Variants in VAV3 observed in about 807,000 individuals in gnomAD.
The protein encoded by VAV3 is vav guanine nucleotide exchange factor 3, also known as guanine nucleotide exchange factor VAV3.
Under a neutral mutation model 131.2 loss-of-function variants are expected in VAV3, and 94 were observed. The observed-to-expected ratio is 0.72, with a 90% CI of 0.61 to 0.85. The LOEUF is 0.85. VAV3 is among the 40% of genes least tolerant of loss of function. The pLI is 0.00. For missense variants in VAV3, 939 were observed against 1,002.7 expected (o/e 0.94, Z 0.86); for synonymous variants, 349 against 342.0 (o/e 1.02, Z -0.22).
intron 15 of VAV3, among the ~76,000 whole-genome samples, chr1:107,724,349 T>C (rs569594564): frequency 2.6e-5 from 4 of 152,082 alleles, no homozygotes; most frequent in African/African-American, 9.6e-5. Context: ...TGATCTGTCC[T>C]TTCTCTGAAG....
chr1:107,800,995 A>G (rs1666802602), intron 2 of VAV3, among the ~76,000 whole-genome samples: 2 of 152,138 alleles, frequency 1.3e-5, no homozygotes, highest in Admixed American at 6.6e-5. Flanking sequence ...CTTTTTGTAT[A>G]TGATGAGAGA....
chr1:107,620,745 G>A (rs568075031), intron 20 of VAV3, among the ~76,000 whole-genome samples: 1 of 152,116 alleles, frequency 6.6e-6, no homozygotes, highest in Non-Finnish European at 1.5e-5. Flanking sequence ...TCACAAAGCA[G>A]AGAAAAGAGG....
At chr1:107,744,172 T>C (rs1479179141) in intron 15 of VAV3, among the ~76,000 whole-genome samples, 2 of 152,156 alleles carry the variant, frequency 1.3e-5, no homozygotes, top group Non-Finnish European at 2.9e-5. Flanking sequence ...CTCTAGAATC[T>C]CCATCCCCCA....
intron 2 of VAV3, among the ~76,000 whole-genome samples, chr1:107,805,128 T>C (rs1234629151): frequency 6.6e-6 from 1 of 152,168 alleles, no homozygotes; most frequent in Admixed American, 6.5e-5. Flanking sequence ...TTTATTATGC[T>C]TCTTGGTAAA....
intron 15 of VAV3, among the ~76,000 whole-genome samples, chr1:107,706,740 G>T (rs183626985): frequency 7.9e-5 from 12 of 152,146 alleles, no homozygotes; most frequent in African/African-American, 1.9e-4. Flanking sequence ...ATTTGTTTCT[G>T]AGCATCAAGG....
chr1:107,622,901 A>C (rs1392377409), intron 20 of VAV3, among the ~76,000 whole-genome samples: 1 of 152,170 alleles, frequency 6.6e-6, no homozygotes, highest in East Asian at 1.9e-4. Flanking sequence ...GGGCAGATGG[A>C]AGGAAGGAAG....
intron 6 of VAV3, among the ~76,000 whole-genome samples, chr1:107,769,426 T>A (rs1019542616): frequency 1.3e-5 from 2 of 152,154 alleles, no homozygotes; most frequent in African/African-American, 4.8e-5. Context: ...CTAGTCAATC[T>A]ACTCTTCTAC....
At chr1:107,630,752 A>C (rs1338578022) in intron 20 of VAV3, among the ~76,000 whole-genome samples, 2 of 152,136 alleles carry the variant, frequency 1.3e-5, no homozygotes, top group African/African-American at 2.4e-5. Context: ...AAAATCAGCA[A>C]ATTAACATAA....
intron 15 of VAV3, among the ~76,000 whole-genome samples, chr1:107,737,192 A>G (rs966871038): frequency 2.6e-5 from 4 of 152,358 alleles, no homozygotes; most frequent in African/African-American, 9.6e-5. Context: ...TACACCTTAT[A>G]CAAAAATCAA....
At chr1:107,842,697 T>C (rs1490413064) in intron 2 of VAV3, among the ~76,000 whole-genome samples, 1 of 152,134 alleles carries the variant, frequency 6.6e-6, no homozygotes, top group African/African-American at 2.4e-5. Context: ...GGTTTTCTGG[T>C]TATGCAGGGG....
intron 20 of VAV3, among the ~76,000 whole-genome samples, chr1:107,621,133 T>C (rs952573016): frequency 6.6e-6 from 1 of 151,506 alleles, no homozygotes; most frequent in Non-Finnish European, 1.5e-5. Flanking sequence ...TTGGAGGTCC[T>C]TCAGGAGGGA....
intron 20 of VAV3, among the ~76,000 whole-genome samples, chr1:107,630,750 C>T (rs991538614): frequency 3.9e-5 from 6 of 152,178 alleles, no homozygotes; most frequent in Admixed American, 6.5e-5. Context: ...TGAAAATCAG[C>T]AAATTAACAT....
intron 20 of VAV3, among the ~76,000 whole-genome samples, chr1:107,631,017 C>T (rs751775535): frequency 4.6e-5 from 7 of 151,994 alleles, no homozygotes; most frequent in Non-Finnish European, 1.0e-4. Context: ...ATCTTAAGTG[C>T]TTTTTTCAAT....
At chr1:107,753,515 T>C (rs78954198) in intron 12 of VAV3, among the ~76,000 whole-genome samples, 466 of 42,302 alleles carry the variant, frequency 0.011, 23 homozygotes, top group African/African-American at 0.027. Context: ...TATACACACA[T>C]ATATATATAT....
intron 2 of VAV3, among the ~76,000 whole-genome samples, chr1:107,840,783 A>G (rs1246731746): frequency 6.6e-6 from 1 of 152,228 alleles, no homozygotes; most frequent in Non-Finnish European, 1.5e-5. Flanking sequence ...AATAAAAGGC[A>G]AACTGTCTAG....
chr1:107,785,976 C>T (rs967450084), intron 2 of VAV3, among the ~76,000 whole-genome samples: 7 of 152,220 alleles, frequency 4.6e-5, no homozygotes, highest in African/African-American at 1.7e-4. Context: ...TACACTACAG[C>T]TTAGTGTCAC....
At chr1:107,734,375 T>A (rs762736156) in intron 15 of VAV3, among the ~76,000 whole-genome samples, 69 of 152,176 alleles carry the variant, frequency 4.5e-4, no homozygotes, top group Admixed American at 1.7e-3. Context: ...ACCTTAAATG[T>A]AAATGGCCTA....
chr1:107,695,486 A>G (rs1265556152), intron 17 of VAV3, among the ~76,000 whole-genome samples: 3 of 152,144 alleles, frequency 2.0e-5, no homozygotes, highest in African/African-American at 4.8e-5. Context: ...ACCCAGGTCT[A>G]TGTGAGTGTT....
chr1:107,695,287 G>A (rs957854018), intron 17 of VAV3, among the ~76,000 whole-genome samples: 3 of 152,178 alleles, frequency 2.0e-5, no homozygotes, highest in South Asian at 2.1e-4. Context: ...ACCATCAGAC[G>A]GAAGATAATT....
Sources: allele counts gnomAD v4.1 joint callset (sites outside exome capture counted in the v4.1 genomes callset), GRCh38; gene constraint gnomAD v4.1.1; transcripts MANE v1.5; gene names NCBI Gene and HGNC (gene_info 2026-07-23, HGNC 2026-07-21).